The following PRPF31 variants were observed in gnomAD, a reference collection of about 807,000 sequenced individuals.
The protein encoded by PRPF31 is U4/U6 small nuclear ribonucleoprotein Prp31.
PRPF31 carries 12 observed loss-of-function variants against 60.4 expected under a neutral mutation model. The observed-to-expected ratio is 0.20, with a 90% CI of 0.13 to 0.32. The LOEUF (loss-of-function observed/expected upper bound fraction) is 0.32, where lower values mean the gene tolerates loss of function less well. Among genes scored for constraint, PRPF31 ranks in the 10% least tolerant of loss-of-function variants. The probability of loss-of-function intolerance (pLI) is 1.00; values close to 1 mark genes in which losing one functional copy is unlikely to be tolerated. For synonymous variants in PRPF31, 287 were observed against 287.9 expected (o/e 1.00, Z 0.03); for missense variants, 431 against 687.1 (o/e 0.63, Z 4.17).
rs2073863537 is a variant in PRPF31 at position 54,124,175 on chromosome 19, C to G, written c.697+257C>G. ...ACACCCAGGCCCTGTTGTCAGGGAG[C>G]TCCTGGTTTGGTGAAAATGGTTCCA... On this transcript the variant is annotated intron_variant, in intron 7 of 13. Coordinates refer to ENST00000321030, the MANE Select transcript of PRPF31 (RefSeq NM_015629.4). 8 of 748,930 alleles carry G rather than the reference C, an allele frequency of 1.1e-5. No individual in the cohort carries two copies. The Admixed American group carries it at 2.0e-4, about 19-fold the overall frequency. 46.4% of individuals were successfully genotyped at this position (748,930 alleles called of 1,614,324 possible). A position where few individuals can be genotyped will look rare whatever the true frequency, so the allele number is the denominator to read the frequency against.
intron 8 of PRPF31, among the ~76,000 whole-genome samples, chr19:54,126,249 C>T (rs1250642848): frequency 1.3e-5 from 2 of 152,350 alleles, no homozygotes; most frequent in East Asian, 1.9e-4. Flanking sequence ...TGCACTCCCC[C>T]CGGCGTCTCC....
chr19:54,126,330 G>A (rs1039361052), intron 8 of PRPF31, among the ~76,000 whole-genome samples, 198 bp from the exon 9 acceptor site: 16 of 152,244 alleles, frequency 1.1e-4, no homozygotes, highest in African/African-American at 3.1e-4. Context: ...TATCAGCTGG[G>A]ACATGGCTCT....
At position 54,118,556 on chromosome 19, in the gene PRPF31, C is replaced by T; in HGVS notation, c.178-17C>T. On this transcript the variant is annotated splice_polypyrimidine_tract_variant and intron_variant, in intron 2 of 13. Transcript: ENST00000321030. ...TTGAAGAGTGCTGGATTCTGACTGTCTTCTCCTTTCCTACAGTTTGCTGAG... is the reference window on the plus strand; with the variant it reads ...TTGAAGAGTGCTGGATTCTGACTGTTTTCTCCTTTCCTACAGTTTGCTGAG... 6 of 1,614,090 alleles carry T rather than the reference C, an allele frequency of 3.7e-6. No homozygotes were observed. Among genetic ancestry groups the T allele is most frequent in the Non-Finnish European group, 5.1e-6 (6 of 1,179,970 alleles).
Position 54,118,061 on chromosome 19 carries a change from C to T in PRPF31, c.-8-210C>T, listed in dbSNP as rs111241035. On this transcript the variant is annotated intron_variant, in intron 1 of 13. Coordinates refer to ENST00000321030, the MANE Select transcript of PRPF31 (RefSeq NM_015629.4). ...GTTCCAGTAAGTCTTAGCAAGGTGG[C>T]GGTCATAGGGGTGTGCTGCGTCTTG... 3.4e-3 allele frequency among the ~76,000 whole-genome samples: 513 copies of T among 152,192 alleles called. 4 individuals carry two copies. Among genetic ancestry groups the T allele is most frequent in the African/African-American group, 0.012 (481 of 41,506 alleles).
intron 7 of PRPF31, chr19:54,124,218 G>C (rs1437009659): frequency 3.1e-6 from 2 of 651,416 alleles, no homozygotes; most frequent in Non-Finnish European, 5.2e-6. Flanking sequence ...GCCATCCCTG[G>C]AACGGCGTTA....
intron 3 of PRPF31, 132 bp downstream of exon 3, chr19:54,118,765 C>A: frequency 1.2e-6 from 1 of 837,866 alleles, no homozygotes; most frequent in South Asian, 1.5e-5. Flanking sequence ...TTTTGTTTCA[C>A]CCCAACCCGT....
chr19:54,128,551 G>A lies in PRPF31; in HGVS notation c.1146+174G>A, dbSNP rs1432020842. 2.4e-5 allele frequency among the ~76,000 whole-genome samples: 3 copies of A among 125,352 alleles called. No individual in the cohort carries two copies. The East Asian group carries it at 6.7e-4, about 28-fold the overall frequency. 82.2% of individuals were successfully genotyped at this position (125,352 alleles called of 152,430 possible). A position where few individuals can be genotyped will look rare whatever the true frequency, so the allele number is the denominator to read the frequency against. On this transcript the variant is annotated intron_variant, in intron 11 of 13. Transcript: ENST00000321030. ...GTTTCCATCCGTTCAGCCCCAAAGC[G>A]ACCCTCGCGACCCTTGGAGCCTGTG... is the stretch of plus-strand genomic sequence containing the variant.
chr19:54,124,508 G>T lies in PRPF31; in HGVS notation c.707G>T (p.Gly236Val). 6.2e-7 allele frequency: 1 copy of T among 1,605,970 alleles called. No individual in the cohort carries two copies. Residue 236 changes from glycine to valine, a missense_variant, in exon 8 of 14, where the codon GGC becomes GTC. By Grantham distance (109) the Gly-to-Val change is moderately radical. Coordinates refer to ENST00000321030, the MANE Select transcript of PRPF31 (RefSeq NM_015629.4). Reference sequence around the variant, plus strand: ...CTCCCTCCCACCGCAGGTGTGGCCGGCGGCCTGACCAACCTCTCCAAGATG... The same window carrying T: ...CTCCCTCCCACCGCAGGTGTGGCCGTCGGCCTGACCAACCTCTCCAAGATG... The part of the protein sequence containing the change: ...STAAKIMGVA[G>V]GLTNLSKMPA...
At position 54,124,676 on chromosome 19, in the gene PRPF31, G is replaced by GC; in HGVS notation, c.855+24dup. On this transcript the variant is annotated intron_variant, in intron 8 of 13. Coordinates refer to ENST00000321030, the MANE Select transcript of PRPF31 (RefSeq NM_015629.4). ...CCACCGGTGAGCCCACTGCGTCATG[G>GC]CCCCTCCCCCGGCCCCCCTGGAGCC... 1 of 1,610,262 alleles carries GC rather than the reference G, an allele frequency of 6.2e-7. No individual in the cohort carries two copies. Among genetic ancestry groups the GC allele is most frequent in the Non-Finnish European group, 8.5e-7 (1 of 1,179,626 alleles).
intron 5 of PRPF31, 26 bp downstream of exon 5, chr19:54,122,620 TCTG>T (rs2073820174): frequency 1.3e-6 from 2 of 1,589,876 alleles, no homozygotes; most frequent in South Asian, 2.2e-5. Flanking sequence ...GTGGGGTGCT[TCTG>T]CTGGCGTGAA....
At chr19:54,121,138 A>G (rs935251991) in intron 3 of PRPF31, among the ~76,000 whole-genome samples, 1 of 151,912 alleles carries the variant, frequency 6.6e-6, no homozygotes, top group Non-Finnish European at 1.5e-5. Context: ...CTAAAAATAC[A>G]AACAAACAAA....
rs1393836622 is a variant in PRPF31 at position 54,124,596 on chromosome 19, C to G, written c.795C>G (p.Thr265=). 1 of 1,613,562 alleles carries G rather than the reference C, an allele frequency of 6.2e-7. No homozygotes were observed. The highest frequency in any genetic ancestry group is 2.2e-5 in the East Asian group (1 of 44,882). The change falls in exon 8 of 14, where the codon ACC becomes ACG. Residue 265 remains threonine (T), a synonymous_variant. Transcript: ENST00000321030. Reference sequence around the variant, plus strand: ...AGACGCTGTCGGGCTTCTCGTCTACCTCAGTGCTGCCCCACACCGGCTACA... The same window carrying G: ...AGACGCTGTCGGGCTTCTCGTCTACGTCAGTGCTGCCCCACACCGGCTACA... ...QRKTLSGFSS[T]SVLPHTGYIY...
chr19:54,120,595 T>G (rs2073761695), intron 3 of PRPF31, among the ~76,000 whole-genome samples: 1 of 152,186 alleles, frequency 6.6e-6, no homozygotes, highest in African/African-American at 2.4e-5. Context: ...TGCATGACTT[T>G]TAAACACAAC....
intron 8 of PRPF31, 91 bp from the exon 9 acceptor site, chr19:54,126,437 A>G (rs1484608022): frequency 8.1e-7 from 1 of 1,230,714 alleles, no homozygotes; most frequent in East Asian, 2.5e-5. Context: ...GACCCCAGGT[A>G]GAGCCAGAGG....
chr19:54,124,468 G>A (rs967404293), intron 7 of PRPF31, 31 bp from the exon 8 acceptor site: 51 of 1,559,748 alleles, frequency 3.3e-5, no homozygotes, highest in East Asian at 2.3e-4. Flanking sequence ...TCTTCTGACC[G>A]CCCCCCCTTC....
At chr19:54,115,854 G>T in intron 1 of PRPF31, 57 bp downstream of exon 1, 1 of 202,334 alleles carries the variant, frequency 4.9e-6, no homozygotes, top group Non-Finnish European at 1.0e-5. Context: ...TCTGGGAGAA[G>T]AAGTGTGTGA....
Position 54,116,193 on chromosome 19 carries a change from G to A in PRPF31, c.-9+396G>A, listed in dbSNP as rs36204088. Among the ~76,000 whole-genome samples, 107 of 142,670 alleles carry A rather than the reference G, an allele frequency of 7.5e-4. 3 individuals carry two copies. In the South Asian group the frequency reaches 0.018, roughly 25 times the overall value. The allele number at this position is 142,670 out of a possible 152,430, so 93.6% of individuals were successfully genotyped here. ...TGTGATTACAGGCATGATCCACCGCGCCTGGCCAGTTGTTTGTTTGTTTTG... is the reference window on the plus strand; with the variant it reads ...TGTGATTACAGGCATGATCCACCGCACCTGGCCAGTTGTTTGTTTGTTTTG... On this transcript the variant is annotated intron_variant, in intron 1 of 13. Coordinates refer to ENST00000321030, the MANE Select transcript of PRPF31 (RefSeq NM_015629.4).
In PRPF31 at chr19:54,123,835, A is replaced by G. The variant is rs770479273; in HGVS notation, c.614A>G (p.Tyr205Cys). 6.2e-7 allele frequency: 1 copy of G among 1,613,896 alleles called. No homozygotes were observed. The highest frequency in any genetic ancestry group is 8.5e-7 in the Non-Finnish European group (1 of 1,180,024). Residue 205 changes from tyrosine (Y) to cysteine (C), a missense_variant, in exon 7 of 14, where the codon TAC (tyrosine) becomes TGC (cysteine). Tyr to Cys is a radical substitution (Grantham distance 194, BLOSUM62 -2). This residue lies in a region of PRPF31 where 314 missense variants were observed against 475.3 expected (regional missense o/e 0.66). Transcript: ENST00000321030. ...CTGAACGCCTCCAAGCACCGCATCT[A>G]CGAGTATGTGGAGTCCCGGATGTCC... Reference protein sequence around the residue: ...LELNASKHRIYEYVESRMSFI... With the variant: ...LELNASKHRICEYVESRMSFI...
In PRPF31 at chr19:54,131,399, C is replaced by T. The variant is rs62144168; in HGVS notation, c.1467C>T (p.Val489=). 0.09 allele frequency: 145,514 copies of T among 1,613,984 alleles called. 7,137 individuals carry two copies. The highest frequency in any genetic ancestry group is 0.1 in the South Asian group (9,285 of 91,086). ...YFSSMAEFLK[V]KGEKSGLMST is the part of the protein sequence containing the mutation. ...CCAGCATGGCTGAGTTCCTCAAGGTCAAGGGCGAGAAGAGTGGCCTTATGT... is the reference window on the plus strand; with the variant it reads ...CCAGCATGGCTGAGTTCCTCAAGGTTAAGGGCGAGAAGAGTGGCCTTATGT... The change falls in exon 14 of 14, where the codon GTC becomes GTT. Residue 489 remains valine, a synonymous_variant. Transcript: ENST00000321030.
Sources: allele counts gnomAD v4.1 joint callset (sites outside exome capture counted in the v4.1 genomes callset), GRCh38; gene constraint gnomAD v4.1.1; regional missense constraint gnomAD v4.1.1; transcripts MANE v1.5; gene names NCBI Gene and HGNC (gene_info 2026-07-23, HGNC 2026-07-21).